The following RNF170 variants were observed in gnomAD, a reference collection of about 807,000 sequenced individuals.
RNF170 encodes the protein ring finger protein 170, also known as E3 ubiquitin-protein ligase RNF170.
In RNF170, 12 loss-of-function variants were observed where a neutral mutation model predicts 32.7. That is an observed-to-expected ratio of 0.37 (90% CI 0.24 to 0.60). The LOEUF is 0.60. RNF170 is among the 20% of genes least tolerant of loss of function. The probability of loss-of-function intolerance (pLI) is 0.72; values close to 1 mark genes in which losing one functional copy is unlikely to be tolerated. For missense variants in RNF170, 212 were observed against 311.2 expected, an observed-to-expected ratio of 0.68 and a Z score of 2.40; for synonymous variants, 91 against 103.6, an observed-to-expected ratio of 0.88 and a Z score of 0.74.
chr8:42,887,490 G>A (rs74608815), intron 2 of RNF170, among the ~76,000 whole-genome samples: 4,511 of 152,186 alleles, frequency 0.03, 95 homozygotes, highest in African/African-American at 0.055. Context: ...CCAATAGAAA[G>A]TACTAATATT....
In RNF170 at chr8:42,861,790, C is replaced by T. The variant is rs1803682104; in HGVS notation, c.462G>A (p.Gln154=). 3 of 1,613,736 alleles carry T rather than the reference C, an allele frequency of 1.9e-6. No homozygotes were observed. The highest frequency in any genetic ancestry group is 1.3e-5 in the African/African-American group (1 of 74,906). ...ATCTCCGGTTATAATCATTAATATC[C>T]TGATGCAATCTCAGAACATCCTGAG... The part of the protein sequence containing the change: ...DQSQDVLRLH[Q]DINDYNRRFS... The change falls in exon 6 of 7, where the codon CAG becomes CAA. Residue 154 remains glutamine, a synonymous_variant. Coordinates refer to ENST00000527424, the MANE Select transcript of RNF170 (RefSeq NM_030954.4).
At chr8:42,871,421 AAAT>A (rs1042883289) in intron 3 of RNF170, among the ~76,000 whole-genome samples, 11 of 152,206 alleles carry the variant, frequency 7.2e-5, no homozygotes, top group Middle Eastern at 3.4e-3. Context: ...TAATAAATTT[AAAT>A]AATAATAAAT....
In RNF170 at chr8:42,854,637, G is replaced by A. The variant is rs1335368912; in HGVS notation, c.*1522C>T. ...AATTGGTAGCTGATCTGATTAGCTA[G>A]AGAGAATGTGACAGATTTTCTCCTT... On this transcript the variant is annotated 3_prime_UTR_variant, in exon 7 of 7. Transcript: ENST00000527424. 7.8e-7 allele frequency: 1 copy of A among 1,287,048 alleles called. No homozygotes were observed. The highest frequency in any genetic ancestry group is 2.3e-5 in the Admixed American group (1 of 43,552). 79.7% of individuals were successfully genotyped at this position (1,287,048 alleles called of 1,614,324 possible). A position where few individuals can be genotyped will look rare whatever the true frequency, so the allele number is the denominator to read the frequency against.
upstream of RNF170, chr8:42,897,145 A>G (rs755460322): frequency 1.4e-5 from 18 of 1,247,608 alleles, no homozygotes; most frequent in African/African-American, 2.6e-4. Flanking sequence ...TTCAGCGTAG[A>G]GTCGCTGGAG....
chr8:42,856,875 A>G (rs1179497206), intron 6 of RNF170, among the ~76,000 whole-genome samples: 3 of 152,228 alleles, frequency 2.0e-5, no homozygotes, highest in Non-Finnish European at 4.4e-5. Flanking sequence ...ATAATTCAAC[A>G]ACTAACTGTG....
intron 4 of RNF170, among the ~76,000 whole-genome samples, chr8:42,865,979 T>C (rs1404171986): frequency 6.6e-6 from 1 of 151,940 alleles, no homozygotes; most frequent in Non-Finnish European, 1.5e-5. Flanking sequence ...AGCAAGACTC[T>C]GTCTCAAAAA....
At position 42,865,545 on chromosome 8, in the gene RNF170, C is replaced by A. The variant is rs1804020513; in HGVS notation, c.323-56G>T. ...CCATTAATATTGATGTTTTAAAGTCCACATATCCTCAGAAAGATTCAACTA... is the reference window on the plus strand; with the variant it reads ...CCATTAATATTGATGTTTTAAAGTCAACATATCCTCAGAAAGATTCAACTA... On this transcript the variant is annotated intron_variant, in intron 4 of 6. Coordinates refer to ENST00000527424, the MANE Select transcript of RNF170 (RefSeq NM_030954.4). The A allele has an allele frequency of 5.2e-6, 6 of 1,156,426 alleles. No individual in the cohort carries two copies. The Admixed American group carries it at 1.0e-4, about 19-fold the overall frequency. 71.6% of individuals were successfully genotyped at this position (1,156,426 alleles called of 1,614,324 possible). A position where few individuals can be genotyped will look rare whatever the true frequency, so the allele number is the denominator to read the frequency against.
intron 1 of RNF170, among the ~76,000 whole-genome samples, chr8:42,894,699 G>A (rs1414828616): frequency 6.6e-6 from 1 of 152,056 alleles, no homozygotes; most frequent in African/African-American, 2.4e-5. Flanking sequence ...CGAGTAGCTG[G>A]GACTACAGGA....
At position 42,879,802 on chromosome 8, in the gene RNF170, G is replaced by A. The variant is rs1284209754; in HGVS notation, c.138-5796C>T. 1.3e-5 allele frequency among the ~76,000 whole-genome samples: 2 copies of A among 151,912 alleles called. 1 individual carries two copies. The highest frequency in any genetic ancestry group is 6.3e-3 in the Middle Eastern group (2 of 316). On this transcript the variant is annotated intron_variant, in intron 2 of 6. Transcript: ENST00000527424. ...CAATTCTCGTGCCTCAGCCTCCCAA[G>A]TTGCTGGGATTACAGGTGTGTGCCA...
At position 42,868,806 on chromosome 8, in the gene RNF170, C is replaced by T. The variant is rs74445654; in HGVS notation, c.322+1198G>A. Among the ~76,000 whole-genome samples the T allele has an allele frequency of 3.5e-4, 53 of 149,362 alleles. No homozygotes were observed. In the East Asian group the frequency reaches 9.0e-3, roughly 25 times the overall value. On this transcript the variant is annotated intron_variant, in intron 4 of 6. Coordinates refer to ENST00000527424, the MANE Select transcript of RNF170 (RefSeq NM_030954.4). ...GGCAGAGGTTGCAGTGAGCAGAGATCGCACCATTGCACTCCAGTCTGGGCG... is the reference window on the plus strand; with the variant it reads ...GGCAGAGGTTGCAGTGAGCAGAGATTGCACCATTGCACTCCAGTCTGGGCG...
intron 2 of RNF170, among the ~76,000 whole-genome samples, chr8:42,886,715 C>T (rs1448727661): frequency 6.6e-6 from 1 of 152,170 alleles, no homozygotes; most frequent in African/African-American, 2.4e-5. Flanking sequence ...GCGTGAGCCA[C>T]CACATCCAGC....
At chr8:42,864,108 T>A (rs1803909417) in intron 5 of RNF170, among the ~76,000 whole-genome samples, 1 of 151,746 alleles carries the variant, frequency 6.6e-6, no homozygotes, top group Non-Finnish European at 1.5e-5. Flanking sequence ...TACTTTTTTT[T>A]TTAGTGATGT....
At chr8:42,892,049 C>T (rs1363845501) in intron 1 of RNF170, among the ~76,000 whole-genome samples, 1 of 152,186 alleles carries the variant, frequency 6.6e-6, no homozygotes, top group East Asian at 1.9e-4. Flanking sequence ...CGCTCAGTTT[C>T]CTGACGGTGC....
Position 42,887,882 on chromosome 8 carries a change from A to G in RNF170, c.-7-11T>C. 1 of 1,610,994 alleles carries G rather than the reference A, an allele frequency of 6.2e-7. No individual in the cohort carries two copies. Among genetic ancestry groups the G allele is most frequent in the East Asian group, 2.2e-5 (1 of 44,858 alleles). On this transcript the variant is annotated splice_polypyrimidine_tract_variant and intron_variant, in intron 1 of 6. Transcript: ENST00000527424. ...TTGGCCATTCCAGGTCTAAAATAAG[A>G]AGAAACAAGATGAGAGTTACAAATG...
upstream of RNF170, chr8:42,897,157 G>C (rs748511367): frequency 8.0e-7 from 1 of 1,249,032 alleles, no homozygotes; most frequent in East Asian, 3.1e-5. Context: ...TCGCTGGAGC[G>C]GGCGGAGCTG....
intron 2 of RNF170, among the ~76,000 whole-genome samples, chr8:42,878,832 G>A (rs1805160543): frequency 6.6e-6 from 1 of 152,168 alleles, no homozygotes; most frequent in Admixed American, 6.5e-5. Flanking sequence ...AGGCCAGGCT[G>A]ACTCTCTTAT....
At chr8:42,877,613 T>G (rs992894670) in intron 2 of RNF170, among the ~76,000 whole-genome samples, 1 of 152,184 alleles carries the variant, frequency 6.6e-6, no homozygotes, top group Non-Finnish European at 1.5e-5. Context: ...AATATCCATA[T>G]TAAAAATATA....
intron 1 of RNF170, among the ~76,000 whole-genome samples, chr8:42,894,657 C>T (rs1806604563): frequency 6.6e-6 from 1 of 152,114 alleles, no homozygotes; most frequent in South Asian, 2.1e-4. Flanking sequence ...CTCAGCCTCC[C>T]GCGTTCAAGC....
intron 6 of RNF170, among the ~76,000 whole-genome samples, chr8:42,857,742 A>G (rs1803349239): frequency 6.6e-6 from 1 of 152,230 alleles, no homozygotes; most frequent in African/African-American, 2.4e-5. Flanking sequence ...AATGAAGGAA[A>G]AATTCTAAAG....
Sources: allele counts gnomAD v4.1 joint callset (sites outside exome capture counted in the v4.1 genomes callset), GRCh38; gene constraint gnomAD v4.1.1; transcripts MANE v1.5; gene names NCBI Gene and HGNC (gene_info 2026-07-23, HGNC 2026-07-21).